PCSK2: variants seen among roughly 807,000 people sequenced by gnomAD.
PCSK2 encodes proprotein convertase subtilisin/kexin type 2.
PCSK2 carries 14 observed loss-of-function variants against 69.7 expected under a neutral mutation model. That is an observed-to-expected ratio of 0.20 (90% confidence interval 0.13 to 0.31). The LOEUF is 0.31. Ranked by LOEUF, PCSK2 falls within the 10% of genes least tolerant of loss-of-function variation. The probability of loss-of-function intolerance (pLI) is 1.00; values close to 1 mark genes in which losing one functional copy is unlikely to be tolerated. For synonymous variants in PCSK2, 307 were observed against 320.7 expected, an observed-to-expected ratio of 0.96 and a Z score of 0.46; for missense variants, 544 against 842.5, an observed-to-expected ratio of 0.65 and a Z score of 4.39.
At chr20:17,411,755 C>G (rs2031878998) in intron 6 of PCSK2, among the ~76,000 whole-genome samples, 1 of 152,246 alleles carries the variant, frequency 6.6e-6, no homozygotes, top group African/African-American at 2.4e-5. Context: ...TAGGAGACAC[C>G]TCCCAGTAGG....
intron 2 of PCSK2, among the ~76,000 whole-genome samples, chr20:17,320,008 T>G (rs1180548429): frequency 6.6e-6 from 1 of 152,148 alleles, no homozygotes; most frequent in Non-Finnish European, 1.5e-5. Flanking sequence ...CTATCAGGAC[T>G]AAAGAGTCTA....
chr20:17,463,815 G>T (rs2033053567), intron 10 of PCSK2: 1 of 152,112 alleles, frequency 6.6e-6, no homozygotes, highest in Admixed American at 6.6e-5. Flanking sequence ...TCCAACCAAT[G>T]AACTTTGCAT....
intron 11 of PCSK2, among the ~76,000 whole-genome samples, chr20:17,478,617 T>C (rs537153874): frequency 2.6e-4 from 39 of 152,338 alleles, no homozygotes; most frequent in Non-Finnish European, 4.4e-4. Context: ...CTAAATATTG[T>C]GTACAACTAA....
chr20:17,336,818 G>C (rs1393428801), intron 2 of PCSK2, among the ~76,000 whole-genome samples: 1 of 152,206 alleles, frequency 6.6e-6, no homozygotes, highest in Non-Finnish European at 1.5e-5. Flanking sequence ...TGAAAGCTGA[G>C]ATGAACTGAG....
intron 2 of PCSK2, among the ~76,000 whole-genome samples, chr20:17,293,484 C>T (rs189367904): frequency 2.7e-4 from 41 of 152,290 alleles, no homozygotes; most frequent in Admixed American, 9.8e-4. Flanking sequence ...TGTTTCAGAA[C>T]ATTTTTTATG....
chr20:17,230,747 G>A (rs1389874452), intron 1 of PCSK2, among the ~76,000 whole-genome samples: 2 of 152,038 alleles, frequency 1.3e-5, no homozygotes, highest in East Asian at 3.8e-4. Flanking sequence ...TATCTAGCAT[G>A]GTGGCCTGTA....
intron 2 of PCSK2, among the ~76,000 whole-genome samples, chr20:17,322,071 T>C (rs191899063): frequency 1.2e-3 from 189 of 152,148 alleles, no homozygotes; most frequent in South Asian, 3.5e-3. Context: ...AACAGAGTAC[T>C]CATTGATCAT....
At chr20:17,304,018 C>CA (rs1989247580) in intron 2 of PCSK2, among the ~76,000 whole-genome samples, 1 of 150,300 alleles carries the variant, frequency 6.7e-6, no homozygotes, top group African/African-American at 2.4e-5. Flanking sequence ...ATATATGGTT[C>CA]TGGAATGAGA....
At chr20:17,350,722 G>A (rs1407039499) in intron 2 of PCSK2, among the ~76,000 whole-genome samples, 5 of 152,046 alleles carry the variant, frequency 3.3e-5, no homozygotes, top group Admixed American at 1.3e-4. Context: ...TTCCTCAACC[G>A]TAACAATACC....
At position 17,465,419 on chromosome 20, in the gene PCSK2, T is replaced by G; in HGVS notation, c.1296T>G (p.Asn432Lys). ...LHDEVHQWRR[N>K]GVGLEFNHLF... ...ACGAGGTCCATCAGTGGCGGCGCAA[T>G]GGGGTCGGCCTGGAATTTAATCACC... is the stretch of plus-strand genomic sequence containing the variant. The change falls in exon 11 of 12, where the codon AAT (asparagine) becomes AAG (lysine). Residue 432 changes from asparagine (N) to lysine (K), a missense_variant. Physicochemically the swap from Asn to Lys is moderately conservative, Grantham distance 94. This residue lies in a region of PCSK2 where 200 missense variants were observed against 287.8 expected (regional missense o/e 0.69). Coordinates refer to ENST00000262545, the MANE Select transcript of PCSK2 (RefSeq NM_002594.5). The G allele has an allele frequency of 6.2e-7, 1 of 1,614,100 alleles. No homozygotes were observed. Among genetic ancestry groups the G allele is most frequent in the Non-Finnish European group, 8.5e-7 (1 of 1,179,998 alleles).
intron 5 of PCSK2, among the ~76,000 whole-genome samples, chr20:17,403,230 T>C (rs1193085082): frequency 6.6e-6 from 1 of 152,260 alleles, no homozygotes; most frequent in Non-Finnish European, 1.5e-5. Context: ...TTTCTGACTA[T>C]GTATCTTTTT....
chr20:17,450,017 C>CTT lies in PCSK2; in HGVS notation c.886-3696_886-3695dup, dbSNP rs61156656. On this transcript the variant is annotated intron_variant, in intron 8 of 11. Transcript: ENST00000262545. ...TTTTTAAGTTTGTTGAATTTCTTCCCTTTTTTTTTTTTTTTTTTTTTTTTT... is the reference window on the plus strand; with the variant it reads ...TTTTTAAGTTTGTTGAATTTCTTCCCTTTTTTTTTTTTTTTTTTTTTTTTTTT... 5.3e-4 allele frequency among the ~76,000 whole-genome samples: 33 copies of CTT among 61,834 alleles called. 6 individuals are homozygous for CTT. The highest frequency in any genetic ancestry group is 2.1e-3 in the East Asian group (4 of 1,898). 40.6% of individuals were successfully genotyped at this position (61,834 alleles called of 152,430 possible).
chr20:17,363,538 G>A (rs1293672022), intron 4 of PCSK2, among the ~76,000 whole-genome samples: 1 of 152,198 alleles, frequency 6.6e-6, no homozygotes, highest in Non-Finnish European at 1.5e-5. Context: ...CCTGGAAAAT[G>A]GAATGTGATC....
intron 2 of PCSK2, among the ~76,000 whole-genome samples, chr20:17,292,103 G>C (rs192788397): frequency 6.6e-6 from 1 of 152,166 alleles, no homozygotes; most frequent in Non-Finnish European, 1.5e-5. Context: ...CGAATACAGC[G>C]CATGGATATT....
At chr20:17,300,626 G>A (rs1031640193) in intron 2 of PCSK2, among the ~76,000 whole-genome samples, 1 of 152,182 alleles carries the variant, frequency 6.6e-6, no homozygotes, top group African/African-American at 2.4e-5. Context: ...AGGTGGTCAA[G>A]GGAAAGTTGA....
chr20:17,412,115 C>A (rs1401180125), intron 6 of PCSK2, among the ~76,000 whole-genome samples: 1 of 152,164 alleles, frequency 6.6e-6, no homozygotes, highest in East Asian at 1.9e-4. Flanking sequence ...AAACGAGTGC[C>A]TCTTCTCCTC....
chr20:17,336,828 G>A (rs1321570270), intron 2 of PCSK2, among the ~76,000 whole-genome samples: 1 of 152,166 alleles, frequency 6.6e-6, no homozygotes, highest in Non-Finnish European at 1.5e-5. Flanking sequence ...GATGAACTGA[G>A]GGCCAGTGAC....
At chr20:17,226,731 G>A (rs1985916980), upstream of PCSK2, among the ~76,000 whole-genome samples, 1 of 151,594 alleles carries the variant, frequency 6.6e-6, no homozygotes, top group Non-Finnish European at 1.5e-5. Flanking sequence ...GGATTTTCCT[G>A]GGCGCGCGGC....
intron 1 of PCSK2, 85 bp downstream of exon 1, chr20:17,227,567 A>C: frequency 9.7e-7 from 1 of 1,028,948 alleles, no homozygotes. Flanking sequence ...CAGATTTGCA[A>C]GTTTTCTCTC....
Sources: gnomAD v4.1 joint callset for allele counts (sites outside exome capture counted in the v4.1 genomes callset) on GRCh38, gnomAD v4.1.1 for gene constraint, gnomAD v4.1.1 regional missense constraint, MANE v1.5 for transcripts, NCBI Gene and HGNC (gene_info 2026-07-23, HGNC 2026-07-21) for gene names.